HSPA12A: variants seen among roughly 807,000 people sequenced by gnomAD.
HSPA12A encodes the protein heat shock 70 kDa protein 12A.
A neutral mutation model predicts 69.2 loss-of-function variants in HSPA12A; 28 were observed. That is an observed-to-expected ratio of 0.40 (90% CI 0.30 to 0.55). HSPA12A has a LOEUF of 0.55. Among genes scored for constraint, HSPA12A ranks in the 20% least tolerant of loss-of-function variants. The pLI is 0.38. For synonymous variants in HSPA12A, 345 were observed against 370.5 expected (o/e 0.93, Z 0.79); for missense variants, 686 against 900.7 (o/e 0.76, Z 3.05).
intron 1 of HSPA12A, among the ~76,000 whole-genome samples, chr10:116,736,290 AC>A (rs1218458714): frequency 2.0e-5 from 3 of 152,100 alleles, no homozygotes; most frequent in Admixed American, 6.5e-5. Flanking sequence ...AGGGAGGGCA[AC>A]CCGCAGCAGG....
At chr10:116,841,639 T>C (rs1845801858) in intron 1 of HSPA12A, among the ~76,000 whole-genome samples, 1 of 152,184 alleles carries the variant, frequency 6.6e-6, no homozygotes, top group Admixed American at 6.5e-5. Context: ...TATAGATGTT[T>C]GTCATATACA....
At chr10:116,796,141 C>T (rs1244508631) in intron 2 of HSPA12A, among the ~76,000 whole-genome samples, 1 of 54,008 alleles carries the variant, frequency 1.9e-5, no homozygotes, top group Non-Finnish European at 2.9e-5. Context: ...GAGCAAGACT[C>T]CATCAAAAAA....
chr10:116,702,158 A>T (rs1486591514), intron 3 of HSPA12A, among the ~76,000 whole-genome samples: 1 of 152,068 alleles, frequency 6.6e-6, no homozygotes, highest in Non-Finnish European at 1.5e-5. Context: ...CTGCAGTGAG[A>T]GCAAGGGAAG....
chr10:116,697,058 TGCC>T (rs1334828932), intron 5 of HSPA12A, among the ~76,000 whole-genome samples: 22 of 152,230 alleles, frequency 1.4e-4, no homozygotes, highest in African/African-American at 5.3e-4. Context: ...ATTTCTACAC[TGCC>T]ATAACTTGTA....
At chr10:116,793,214 A>G (rs1417412600) in intron 2 of HSPA12A, among the ~76,000 whole-genome samples, 1 of 152,236 alleles carries the variant, frequency 6.6e-6, no homozygotes, top group East Asian at 1.9e-4. Flanking sequence ...CAAAAGGAAT[A>G]AAAAACACTA....
At chr10:116,768,915 T>A (rs1489332189) in intron 2 of HSPA12A, among the ~76,000 whole-genome samples, 1 of 152,162 alleles carries the variant, frequency 6.6e-6, no homozygotes, top group Admixed American at 6.5e-5. Context: ...ACTCCAAGTC[T>A]CTGCTTCCTG....
chr10:116,849,277 G>A (rs1845977263), intron 1 of HSPA12A, among the ~76,000 whole-genome samples: 1 of 152,208 alleles, frequency 6.6e-6, no homozygotes. Context: ...TTCCCCCTCT[G>A]GAAAATCGCC....
At chr10:116,753,375 C>A (rs1452516901) in intron 2 of HSPA12A, among the ~76,000 whole-genome samples, 2 of 152,230 alleles carry the variant, frequency 1.3e-5, no homozygotes, top group African/African-American at 4.8e-5. Context: ...GCAGTTATCA[C>A]TATGATCAGT....
chr10:116,735,484 A>T (rs940413933), intron 1 of HSPA12A, among the ~76,000 whole-genome samples: 6 of 152,142 alleles, frequency 3.9e-5, no homozygotes, highest in African/African-American at 1.4e-4. Flanking sequence ...AGGCCACCAC[A>T]TAAAGAAGCC....
At chr10:116,844,477 T>A (rs1163640876) in intron 1 of HSPA12A, among the ~76,000 whole-genome samples, 2 of 152,250 alleles carry the variant, frequency 1.3e-5, no homozygotes, top group African/African-American at 2.4e-5. Flanking sequence ...AGCTTGGTAA[T>A]CATATTTCTT....
chr10:116,725,296 T>C (rs1169047964), intron 1 of HSPA12A, among the ~76,000 whole-genome samples: 1 of 152,142 alleles, frequency 6.6e-6, no homozygotes, highest in Admixed American at 6.5e-5. Context: ...CCTGCCACCC[T>C]GTAGGGTGGG....
At chr10:116,696,661 C>A (rs1399767703) in intron 5 of HSPA12A, among the ~76,000 whole-genome samples, 1 of 152,118 alleles carries the variant, frequency 6.6e-6, no homozygotes, top group South Asian at 2.1e-4. Context: ...CTCATTCCCC[C>A]ACTAGAAATC....
intron 2 of HSPA12A, among the ~76,000 whole-genome samples, chr10:116,802,857 T>C (rs1414293946): frequency 6.6e-6 from 1 of 152,254 alleles, no homozygotes; most frequent in Non-Finnish European, 1.5e-5. Context: ...CTGCCAAGTC[T>C]GAACAGAAGT....
chr10:116,850,192 G>T, upstream of HSPA12A: 1 of 230,892 alleles, frequency 4.3e-6, no homozygotes, highest in Non-Finnish European at 8.7e-6. Flanking sequence ...CCTATTCTGG[G>T]GCCTCATCCT....
In HSPA12A at chr10:116,691,421, C is replaced by T. The variant is rs189395074; in HGVS notation, c.663+930G>A. Among the ~76,000 whole-genome samples, 302 of 152,202 alleles carry T rather than the reference C, an allele frequency of 2.0e-3. 2 individuals are homozygous for T. Among genetic ancestry groups the T allele is most frequent in the African/African-American group, 6.6e-3 (275 of 41,504 alleles). Reference sequence around the variant, plus strand: ...AGTGTCACAAACAAAATCAGAGGTACGTCTCCTGGGAAAGGTGGGCAGGAT... The same window carrying T: ...AGTGTCACAAACAAAATCAGAGGTATGTCTCCTGGGAAAGGTGGGCAGGAT... On this transcript the variant is annotated intron_variant, in intron 6 of 11. Transcript: ENST00000369209.
chr10:116,708,046 T>C (rs897707862), intron 1 of HSPA12A: 1 of 152,084 alleles, frequency 6.6e-6, no homozygotes, highest in Non-Finnish European at 1.5e-5. Context: ...CTCACCATCA[T>C]TCAGGCCTAG....
chr10:116,800,909 G>T (rs774206231), intron 2 of HSPA12A, among the ~76,000 whole-genome samples: 115 of 152,318 alleles, frequency 7.5e-4, no homozygotes, highest in Non-Finnish European at 3.8e-4. Context: ...GCAGCCGGGG[G>T]TGCTGGGGGC....
chr10:116,741,446 C>T (rs7921842), intron 1 of HSPA12A, among the ~76,000 whole-genome samples: 93,154 of 152,206 alleles, frequency 0.61, 28,856 homozygotes, highest in South Asian at 0.72. Flanking sequence ...CCTGTCGCTC[C>T]CGGGAAAGAT....
At chr10:116,745,629 C>T (rs1851631293), upstream of HSPA12A, among the ~76,000 whole-genome samples, 1 of 152,192 alleles carries the variant, frequency 6.6e-6, no homozygotes, top group Admixed American at 6.5e-5. Flanking sequence ...CTTCAAGGGC[C>T]TGCCCTCAGG....
Sources: allele counts gnomAD v4.1 joint callset (sites outside exome capture counted in the v4.1 genomes callset), GRCh38; gene constraint gnomAD v4.1.1; transcripts MANE v1.5; gene names NCBI Gene and HGNC (gene_info 2026-07-23, HGNC 2026-07-21).